FBXL17: variants seen among roughly 807,000 people sequenced by gnomAD.
FBXL17 encodes F-box and leucine rich repeat protein 17, also known as F-box/LRR-repeat protein 17.
In FBXL17, 22 loss-of-function variants were observed where a neutral mutation model predicts 66.2. The ratio of observed to expected loss-of-function variants is 0.33; its 90% CI spans 0.24 to 0.47. FBXL17 has a LOEUF of 0.47. FBXL17 is among the 20% of genes least tolerant of loss of function. The pLI is 1.00. For missense variants in FBXL17, 878 were observed against 948.2 expected (o/e 0.93, Z 0.97); for synonymous variants, 474 against 400.5 (o/e 1.18, Z -2.19).
intron 7 of FBXL17, among the ~76,000 whole-genome samples, chr5:108,009,290 T>G (rs55962601): frequency 0.094 from 5,106 of 54,518 alleles, 1,493 homozygotes; most frequent in Middle Eastern, 0.17. Flanking sequence ...TATATATATA[T>G]ATATATATAT....
intron 3 of FBXL17, among the ~76,000 whole-genome samples, chr5:108,359,718 T>C (rs1024802847): frequency 4.6e-5 from 7 of 152,170 alleles, no homozygotes; most frequent in Non-Finnish European, 7.4e-5. Flanking sequence ...ATCAAACATA[T>C]GGTCTATCTG....
intron 7 of FBXL17, among the ~76,000 whole-genome samples, chr5:108,014,427 A>T (rs1258516499): frequency 6.6e-6 from 1 of 152,158 alleles, no homozygotes; most frequent in African/African-American, 2.4e-5. Context: ...TCTTAATTTA[A>T]AAAAACGACT....
chr5:108,154,488 T>G (rs286739), intron 6 of FBXL17, among the ~76,000 whole-genome samples: 148,082 of 148,472 alleles, frequency 1, 73,848 homozygotes, highest in Middle Eastern at 1. Context: ...TACTCGGGAG[T>G]CTGAGGCAGG....
intron 5 of FBXL17, among the ~76,000 whole-genome samples, chr5:108,218,936 T>C (rs1228761175): frequency 2.0e-5 from 3 of 152,238 alleles, no homozygotes; most frequent in Non-Finnish European, 2.9e-5. Context: ...TGTGTATTGA[T>C]TTCCTAGCTT....
At chr5:108,232,782 C>CACATATATATATATATATATATATATAT (rs1554077818) in intron 4 of FBXL17, among the ~76,000 whole-genome samples, 1 of 78,170 alleles carries the variant, frequency 1.3e-5, no homozygotes, top group African/African-American at 4.9e-5. Context: ...TAAGCTCTCA[C>CACATATATATATATATATATATATATAT]ATATATATAT....
intron 4 of FBXL17, among the ~76,000 whole-genome samples, chr5:108,235,084 G>A (rs2922434): frequency 0.28 from 42,505 of 152,028 alleles, 6,532 homozygotes; most frequent in Middle Eastern, 0.38. Flanking sequence ...AGCATATCTG[G>A]GATGAAAAGG....
intron 7 of FBXL17, among the ~76,000 whole-genome samples, chr5:107,981,942 T>C (rs1752846980): frequency 6.6e-6 from 1 of 152,056 alleles, no homozygotes; most frequent in South Asian, 2.1e-4. Context: ...TACAGAAAAA[T>C]GTACAAAGAG....
chr5:108,009,035 G>C (rs1754043566), intron 7 of FBXL17, among the ~76,000 whole-genome samples: 1 of 150,610 alleles, frequency 6.6e-6, no homozygotes, highest in Non-Finnish European at 1.5e-5. Flanking sequence ...GAAAGAAATA[G>C]AGATGATTAA....
intron 7 of FBXL17, among the ~76,000 whole-genome samples, chr5:107,937,136 C>CA (rs377416345): frequency 2.5e-4 from 38 of 151,424 alleles, no homozygotes; most frequent in South Asian, 4.2e-4. Context: ...TATTACTAAA[C>CA]AAAAAAAATC....
At chr5:108,340,022 C>T (rs564640853) in intron 4 of FBXL17, among the ~76,000 whole-genome samples, 4 of 151,930 alleles carry the variant, frequency 2.6e-5, no homozygotes, top group African/African-American at 4.8e-5. Context: ...TTCCATACGA[C>T]ACTGGCACAC....
Position 108,099,429 on chromosome 5 carries a change from G to A in FBXL17, c.1746-78428C>T, listed in dbSNP as rs112360151. Among the ~76,000 whole-genome samples the A allele has an allele frequency of 6.6e-5, 10 of 152,226 alleles. 2 individuals carry two copies. The highest frequency in any genetic ancestry group is 2.4e-4 in the African/African-American group (10 of 41,552). On this transcript the variant is annotated intron_variant, in intron 6 of 8. Coordinates refer to ENST00000542267, the MANE Select transcript of FBXL17 (RefSeq NM_001163315.3). ...GGCACAGGAGACTTCATAGGAAAAC[G>A]AAGACCCAAAGATGCAGTTAGAGTT... is the stretch of plus-strand genomic sequence containing the variant.
At chr5:108,163,550 G>A (rs1752300820) in intron 6 of FBXL17, among the ~76,000 whole-genome samples, 2 of 151,974 alleles carry the variant, frequency 1.3e-5, no homozygotes, top group South Asian at 4.1e-4. Context: ...ACAGGCGTCC[G>A]CCACTACGTC....
At chr5:108,193,222 C>T (rs1753540976) in intron 5 of FBXL17, among the ~76,000 whole-genome samples, 1 of 152,092 alleles carries the variant, frequency 6.6e-6, no homozygotes, top group South Asian at 2.1e-4. Context: ...TAGCACGACA[C>T]ACTAATCCGC....
Position 108,381,743 on chromosome 5 carries a change from A to G in FBXL17, c.-52T>C, listed in dbSNP as rs1749968614. 1 of 1,378,642 alleles carries G rather than the reference A, an allele frequency of 7.3e-7. No individual in the cohort carries two copies. The highest frequency in any genetic ancestry group is 1.6e-5 in the South Asian group (1 of 62,362). The allele number at this position is 1,378,642 out of a possible 1,614,324, so 85.4% of individuals were successfully genotyped here. A position where few individuals can be genotyped will look rare whatever the true frequency, so the allele number is the denominator to read the frequency against. On this transcript the variant is annotated 5_prime_UTR_variant, in exon 1 of 9. Transcript: ENST00000542267. The stretch of plus-strand genomic sequence containing the variant: ...GGACGGGAGGGAGGGAGACCCAGAG[A>G]GGCGGGCTCCCGGCAGCGGGGCAGG...
chr5:108,201,483 A>G (rs114729057), intron 5 of FBXL17, among the ~76,000 whole-genome samples: 2,401 of 152,238 alleles, frequency 0.016, 60 homozygotes, highest in African/African-American at 0.055. Flanking sequence ...TATTTTATAC[A>G]TGTACAAAGC....
intron 3 of FBXL17, 79 bp downstream of exon 3, chr5:108,364,659 G>T: frequency 8.7e-7 from 1 of 1,150,898 alleles, no homozygotes; most frequent in Non-Finnish European, 1.3e-6. Context: ...TATTTTTAAC[G>T]TAACCATTTA....
chr5:108,306,800 A>G (rs1164898795), intron 4 of FBXL17, among the ~76,000 whole-genome samples: 1 of 151,970 alleles, frequency 6.6e-6, no homozygotes, highest in African/African-American at 2.4e-5. Flanking sequence ...AAAGAAACTG[A>G]ACCTTCATAT....
chr5:108,297,949 T>C, intron 4 of FBXL17: 5 of 973,100 alleles, frequency 5.1e-6, no homozygotes, highest in Non-Finnish European at 6.1e-6. Context: ...TGGCATTATA[T>C]TCTCCATTTA....
intron 5 of FBXL17, among the ~76,000 whole-genome samples, chr5:108,214,843 T>C (rs532171925): frequency 2.8e-4 from 43 of 152,334 alleles, no homozygotes; most frequent in African/African-American, 9.1e-4. Flanking sequence ...TTTTAGTACA[T>C]TGAGTGACGT....
Sources: allele counts gnomAD v4.1 joint callset (sites outside exome capture counted in the v4.1 genomes callset), GRCh38; gene constraint gnomAD v4.1.1; transcripts MANE v1.5; gene names NCBI Gene and HGNC (gene_info 2026-07-23, HGNC 2026-07-21).